Variants in TCF4 observed in about 807,000 individuals in gnomAD.
TCF4 encodes transcription factor 4, also known as SL3-3 enhancer factor 2.
In TCF4, 3 loss-of-function variants were observed where a neutral mutation model predicts 82.1. The observed-to-expected ratio is 0.04, with a 90% CI of 0.02 to 0.09. The LOEUF (loss-of-function observed/expected upper bound fraction) is 0.09. Ranked by LOEUF, TCF4 falls within the 10% of genes least tolerant of loss-of-function variation. The pLI is 1.00. For missense variants in TCF4, 518 were observed against 852.7 expected (o/e 0.61, Z 4.89); for synonymous variants, 276 against 309.6 (o/e 0.89, Z 1.14).
chr18:55,610,181 C>G (rs2097705817), intron 2 of TCF4, among the ~76,000 whole-genome samples: 1 of 152,122 alleles, frequency 6.6e-6, no homozygotes, highest in African/African-American at 2.4e-5. Context: ...CCCTGACAAA[C>G]GTGTTTGTAA....
chr18:55,460,976 T>C (rs779619698), intron 5 of TCF4, 43 bp downstream of exon 5: 339 of 1,556,638 alleles, frequency 2.2e-4, no homozygotes, highest in Non-Finnish European at 2.8e-4. Context: ...ATAGTAAAAC[T>C]TGAGCATTCA....
chr18:55,612,401 G>T (rs977092677), intron 2 of TCF4, among the ~76,000 whole-genome samples: 14 of 152,122 alleles, frequency 9.2e-5, no homozygotes, highest in South Asian at 4.1e-4. Context: ...TCCATATCGT[G>T]TTTGTTGCCA....
chr18:55,484,650 T>C (rs1243104296), intron 3 of TCF4, among the ~76,000 whole-genome samples: 1 of 152,176 alleles, frequency 6.6e-6, no homozygotes, highest in East Asian at 1.9e-4. Flanking sequence ...AGAACATCTA[T>C]TATAAAAGCT....
chr18:55,475,580 A>G (rs566686658), intron 3 of TCF4, among the ~76,000 whole-genome samples: 2 of 152,348 alleles, frequency 1.3e-5, no homozygotes, highest in African/African-American at 2.4e-5. Flanking sequence ...AAAAAATTAA[A>G]ATACAAAAAT....
rs1448952996 is a variant in TCF4, at chr18:55,569,229, C to T, written c.145+16051G>A. On this transcript the variant is annotated intron_variant, in intron 3 of 19. Coordinates refer to ENST00000354452, the MANE Select transcript of TCF4 (RefSeq NM_001083962.2). ...AGTAAAGACAAAAAAAAAAAAAGGC[C>T]AAGTATTGGGGTTTGAAAGGAAAAA... is the stretch of plus-strand genomic sequence containing the variant. Among the ~76,000 whole-genome samples, 3 of 146,320 alleles carry T rather than the reference C, an allele frequency of 2.1e-5. No homozygotes were observed. The East Asian group carries it at 5.9e-4, about 29-fold the overall frequency.
intron 9 of TCF4, among the ~76,000 whole-genome samples, chr18:55,279,101 T>C (rs2062018458): frequency 6.6e-6 from 1 of 152,188 alleles, no homozygotes; most frequent in South Asian, 2.1e-4. Context: ...TCTTGGACCC[T>C]TGTTCTTACC....
At chr18:55,276,794 A>T (rs1799405) in intron 9 of TCF4, among the ~76,000 whole-genome samples, 15,838 of 152,266 alleles carry the variant, frequency 0.1, 1,438 homozygotes, top group African/African-American at 0.24. Context: ...AACATTTTAT[A>T]TAGTAAAGGC....
intron 6 of TCF4, among the ~76,000 whole-genome samples, chr18:55,358,435 A>G (rs1407155906): frequency 1.3e-5 from 2 of 152,242 alleles, no homozygotes; most frequent in Non-Finnish European, 2.9e-5. Context: ...CAGGAGCAGC[A>G]GCAGCTACAA....
chr18:55,478,891 A>G (rs780189272), intron 3 of TCF4, among the ~76,000 whole-genome samples: 4 of 148,522 alleles, frequency 2.7e-5, no homozygotes, highest in Non-Finnish European at 6.0e-5. Context: ...TAAATGTTAA[A>G]TATTATATTG....
At chr18:55,539,981 C>T (rs2097151343) in intron 3 of TCF4, among the ~76,000 whole-genome samples, 1 of 151,730 alleles carries the variant, frequency 6.6e-6, no homozygotes, top group Non-Finnish European at 1.5e-5. Flanking sequence ...GCTCAATATA[C>T]GTTATTGAAC....
intron 2 of TCF4, among the ~76,000 whole-genome samples, chr18:55,622,050 AAT>A (rs1306358060): frequency 1.5e-5 from 2 of 136,274 alleles, no homozygotes; most frequent in Non-Finnish European, 3.1e-5. Context: ...CACTATATAT[AAT>A]ATATATACAC....
intron 8 of TCF4, among the ~76,000 whole-genome samples, chr18:55,334,334 A>T (rs2078194095): frequency 1.3e-5 from 2 of 152,178 alleles, no homozygotes; most frequent in Admixed American, 1.3e-4. Flanking sequence ...TAAGTCTTGT[A>T]TTTATAATTA....
chr18:55,521,769 G>C (rs149658458), intron 3 of TCF4, among the ~76,000 whole-genome samples: 2 of 152,160 alleles, frequency 1.3e-5, no homozygotes, highest in Non-Finnish European at 2.9e-5. Context: ...CTTAAGACAC[G>C]AGTCCTCAGG....
intron 14 of TCF4, 67 bp from the exon 15 acceptor site, chr18:55,254,767 A>T: frequency 6.9e-7 from 1 of 1,457,922 alleles, no homozygotes; most frequent in Non-Finnish European, 9.4e-7. Context: ...ATACAAGTAA[A>T]ATTTTAGTCG....
chr18:55,261,525 C>T lies in TCF4; in HGVS notation c.931G>A (p.Gly311Arg). 1 of 1,613,940 alleles carries T rather than the reference C, an allele frequency of 6.2e-7. No individual in the cohort carries two copies. Among genetic ancestry groups the T allele is most frequent in the Non-Finnish European group, 8.5e-7 (1 of 1,179,858 alleles). The change falls in exon 12 of 20, where the codon GGA becomes AGA. Residue 311 changes from glycine (G) to arginine (R), a missense_variant. Gly to Arg is a moderately radical substitution (Grantham distance 125). Transcript: ENST00000354452. ...NGTDSIMANR[G>R]SGAAGSSQTG... ...TGGGAGCTGCCGGCTGCCCCGCTTC[C>T]TCTATTTGCTGCAAAAACAAAAGGC... is the stretch of plus-strand genomic sequence containing the variant.
chr18:55,417,121 C>G (rs1228687613), intron 5 of TCF4, among the ~76,000 whole-genome samples: 1 of 152,228 alleles, frequency 6.6e-6, no homozygotes, highest in Non-Finnish European at 1.5e-5. Context: ...TGGCTACAGA[C>G]TTTACTTAGA....
At chr18:55,315,489 G>A (rs961977532) in intron 8 of TCF4, among the ~76,000 whole-genome samples, 1 of 152,090 alleles carries the variant, frequency 6.6e-6, no homozygotes, top group Non-Finnish European at 1.5e-5. Flanking sequence ...CAAATAAAAG[G>A]TTGTAGTTTG....
rs181210769 is a variant in TCF4 at position 55,492,601 on chromosome 18, C to T, written c.146-28464G>A. 2.6e-3 allele frequency among the ~76,000 whole-genome samples: 403 copies of T among 152,284 alleles called. 3 individuals carry two copies. Among genetic ancestry groups the T allele is most frequent in the South Asian group, 3.9e-3 (19 of 4,826 alleles). The stretch of plus-strand genomic sequence containing the variant: ...CAAGACACAGATTATTTTCTACTTG[C>T]TGTAAATTAGGCAAGCCTGCCAGGC... On this transcript the variant is annotated intron_variant, in intron 3 of 19. Transcript: ENST00000354452.
chr18:55,403,649 C>A (rs1569393765), intron 5 of TCF4, 131 bp from the exon 6 acceptor site: 5 of 1,593,400 alleles, frequency 3.1e-6, no homozygotes, highest in Non-Finnish European at 4.3e-6. Context: ...GCAATGTATG[C>A]AAGCAAGAGA....
Sources: gnomAD v4.1 joint callset for allele counts (sites outside exome capture counted in the v4.1 genomes callset) on GRCh38, gnomAD v4.1.1 for gene constraint, MANE v1.5 for transcripts, NCBI Gene and HGNC (gene_info 2026-07-23, HGNC 2026-07-21) for gene names.